Variants in CAST observed in about 807,000 individuals in gnomAD.
CAST encodes the protein calpastatin.
CAST carries 76 observed loss-of-function variants against 119.6 expected under a neutral mutation model. The observed-to-expected ratio is 0.64, with a 90% confidence interval of 0.53 to 0.77. CAST has a LOEUF of 0.77. Ranked by LOEUF, CAST falls within the 30% of genes least tolerant of loss-of-function variation. The pLI is 0.00. For synonymous variants in CAST, 319 were observed against 331.6 expected, an observed-to-expected ratio of 0.96 and a Z score of 0.41; for missense variants, 953 against 946.5, an observed-to-expected ratio of 1.01 and a Z score of -0.09.
intron 1 of CAST, among the ~76,000 whole-genome samples, chr5:96,638,972 C>G (rs1322550268): frequency 1.3e-5 from 2 of 152,234 alleles, no homozygotes; most frequent in African/African-American, 4.8e-5. Flanking sequence ...CATCCCTTCT[C>G]TAGACACACT....
the CAST span, among the ~76,000 whole-genome samples, chr5:96,361,808 GCTTTTTTTTTTTTTTTTGCTTCTTTT>G: frequency 8.9e-5 from 1 of 11,202 alleles, no homozygotes; most frequent in Admixed American, 6.5e-4. Context: ...GCTCTAGTAT[GCTTTTTTTTTTTTTTTTGCTTCTTTT>G]CTTTTTTTTT....
At chr5:96,632,396 T>A (rs1747833146) in intron 1 of CAST, among the ~76,000 whole-genome samples, 1 of 150,548 alleles carries the variant, frequency 6.6e-6, no homozygotes, top group African/African-American at 2.4e-5. Flanking sequence ...ATATAAAAAT[T>A]GTGCTTTGTC....
the CAST span, among the ~76,000 whole-genome samples, chr5:96,400,816 G>A: frequency 6.5e-4 from 99 of 151,750 alleles, no homozygotes; most frequent in African/African-American, 2.4e-3. Flanking sequence ...GGCTGGGCGC[G>A]GTGGCTCACG....
chr5:96,221,344 C>T, the CAST span, among the ~76,000 whole-genome samples: 31 of 152,022 alleles, frequency 2.0e-4, no homozygotes, highest in Non-Finnish European at 3.2e-4. Context: ...TTTGCAGGTT[C>T]TTATGTTAAG....
At chr5:96,353,785 G>A in the CAST span, among the ~76,000 whole-genome samples, 3 of 151,316 alleles carry the variant, frequency 2.0e-5, no homozygotes, top group South Asian at 4.1e-4. Context: ...AACTTTCCTG[G>A]TTCTTCAGCT....
chr5:96,619,541 C>A (rs563022173), intron 1 of CAST, among the ~76,000 whole-genome samples: 3 of 152,206 alleles, frequency 2.0e-5, no homozygotes, highest in African/African-American at 7.2e-5. Flanking sequence ...AGTGTGGTAG[C>A]TTTGTTCTTT....
intron 21 of CAST, 137 bp from the exon 22 acceptor site, chr5:96,754,521 A>C: frequency 1.6e-6 from 1 of 637,822 alleles, no homozygotes; most frequent in East Asian, 2.7e-5. Context: ...AAGTTGCTGT[A>C]GGAGCACTAA....
chr5:96,555,566 C>T (rs1171677112), intron 1 of CAST, among the ~76,000 whole-genome samples: 2 of 152,214 alleles, frequency 1.3e-5, no homozygotes, highest in African/African-American at 4.8e-5. Flanking sequence ...AAACGGCACA[C>T]CAGGACATTA....
chr5:96,435,958 T>C, the CAST span, among the ~76,000 whole-genome samples: 2 of 152,198 alleles, frequency 1.3e-5, no homozygotes, highest in East Asian at 3.8e-4. Context: ...CCAATATTTA[T>C]CACAAAGTGG....
At chr5:96,701,630 C>T (rs1368968602) in intron 3 of CAST, among the ~76,000 whole-genome samples, 1 of 151,906 alleles carries the variant, frequency 6.6e-6, no homozygotes, top group East Asian at 1.9e-4. Flanking sequence ...CATGGTGAAA[C>T]CCTGTCTCTA....
the CAST span, among the ~76,000 whole-genome samples, chr5:96,101,925 G>A: frequency 6.6e-6 from 1 of 152,164 alleles, no homozygotes; most frequent in African/African-American, 2.4e-5. Flanking sequence ...GCAGGATATG[G>A]CTGGCTGCTT....
At chr5:96,314,992 A>C in the CAST span, among the ~76,000 whole-genome samples, 1 of 152,224 alleles carries the variant, frequency 6.6e-6, no homozygotes, top group Admixed American at 6.5e-5. Flanking sequence ...ATATATTAAT[A>C]TATTTAGGCA....
chr5:95,980,238 A>T, the CAST span: 1 of 152,256 alleles, frequency 6.6e-6, no homozygotes, highest in Admixed American at 6.5e-5. Context: ...GTACTGACAG[A>T]TATACAAAGA....
At chr5:96,061,801 C>T in the CAST span, among the ~76,000 whole-genome samples, 1 of 151,988 alleles carries the variant, frequency 6.6e-6, no homozygotes, top group East Asian at 1.9e-4. Context: ...GAGAAGAATA[C>T]AGATGCACAC....
At chr5:96,187,286 T>TA in the CAST span, among the ~76,000 whole-genome samples, 24 of 151,406 alleles carry the variant, frequency 1.6e-4, no homozygotes, top group African/African-American at 3.9e-4. Flanking sequence ...TTAATTTTTT[T>TA]AAAAAAAACA....
the CAST span, among the ~76,000 whole-genome samples, chr5:96,452,272 A>C: frequency 2.0e-5 from 3 of 152,206 alleles, no homozygotes; most frequent in Admixed American, 6.5e-5. Flanking sequence ...CTGGATAAAG[A>C]AAATGTGGCA....
chr5:96,479,461 T>C, the CAST span, among the ~76,000 whole-genome samples: 1 of 138,738 alleles, frequency 7.2e-6, no homozygotes, highest in Non-Finnish European at 1.6e-5. Flanking sequence ...TTATTTTTTT[T>C]TTTTTTTGAG....
the CAST span, among the ~76,000 whole-genome samples, chr5:96,333,132 T>C: frequency 1.3e-5 from 2 of 151,186 alleles, no homozygotes; most frequent in Non-Finnish European, 2.9e-5. Context: ...TTGTTGCCTT[T>C]CCCCTCCCAC....
the CAST span, among the ~76,000 whole-genome samples, chr5:96,513,660 T>C: frequency 6.6e-6 from 1 of 152,208 alleles, no homozygotes. Context: ...TCCACCCTCA[T>C]TGCCAGTCTT....
Sources: allele counts gnomAD v4.1 joint callset (sites outside exome capture counted in the v4.1 genomes callset), GRCh38; gene constraint gnomAD v4.1.1; transcripts MANE v1.5; gene names NCBI Gene and HGNC (gene_info 2026-07-23, HGNC 2026-07-21).